Variants in UTRN observed in about 807,000 individuals in gnomAD.
The protein encoded by UTRN is utrophin.
Under a neutral mutation model 463.9 loss-of-function variants are expected in UTRN, and 283 were observed. The observed-to-expected ratio is 0.61, with a 90% CI of 0.55 to 0.67. The LOEUF (loss-of-function observed/expected upper bound fraction) is 0.67, where lower values mean the gene tolerates loss of function less well. Ranked by LOEUF, UTRN falls within the 30% of genes least tolerant of loss-of-function variation. The pLI is 0.00. For synonymous variants in UTRN, 1,442 were observed against 1,431.5 expected, an observed-to-expected ratio of 1.01 and a Z score of -0.17; for missense variants, 3,922 against 4,084.3, an observed-to-expected ratio of 0.96 and a Z score of 1.08.
rs757586867 is a variant in UTRN, at chr6:144,554,829, C to T, written c.7070C>T (p.Ala2357Val). Reference sequence around the variant, plus strand: ...GAAGAACTGATGAGAAAATATGAGGCTCGACTCTATATTCTTCAGCAAGCC... The same window carrying T: ...GAAGAACTGATGAGAAAATATGAGGTTCGACTCTATATTCTTCAGCAAGCC... ...ETEELMRKYE[A>V]RLYILQQARR... The change falls in exon 49 of 75, where the codon GCT becomes GTT. Residue 2357 changes from alanine to valine, a missense_variant. Physicochemically the swap from Ala to Val is moderately conservative, Grantham distance 64 (BLOSUM62 0). This residue lies in a region of UTRN where 1,309 missense variants were observed against 1,452.6 expected (regional missense o/e 0.90). Transcript: ENST00000367545. The T allele has an allele frequency of 4.3e-6, 7 of 1,613,884 alleles. 1 individual carries two copies. In the Admixed American group the frequency reaches 1.0e-4, roughly 23 times the overall value.
intron 2 of UTRN, among the ~76,000 whole-genome samples, chr6:144,384,285 G>C (rs1238467424): frequency 6.6e-6 from 1 of 152,112 alleles, no homozygotes; most frequent in East Asian, 1.9e-4. Context: ...TGAGCGGTGG[G>C]TAATCGAGCA....
At chr6:144,788,229 G>T (rs374851778) in intron 61 of UTRN, among the ~76,000 whole-genome samples, 3 of 151,812 alleles carry the variant, frequency 2.0e-5, no homozygotes, top group Admixed American at 2.0e-4. Flanking sequence ...CCCCAAATAG[G>T]GATTTCACAT....
intron 53 of UTRN, among the ~76,000 whole-genome samples, chr6:144,722,741 A>C (rs974155290): frequency 6.6e-6 from 1 of 152,144 alleles, no homozygotes; most frequent in African/African-American, 2.4e-5. Context: ...TGTGACTAGC[A>C]GGTACCATAT....
At chr6:144,526,706 C>CTAT (rs1796598644) in intron 41 of UTRN, among the ~76,000 whole-genome samples, 1 of 144,780 alleles carries the variant, frequency 6.9e-6, no homozygotes, top group South Asian at 2.1e-4. Context: ...ATATGAGGTA[C>CTAT]TATTCTATTT....
chr6:144,628,746 G>A (rs1489389729), intron 51 of UTRN, among the ~76,000 whole-genome samples: 1 of 152,078 alleles, frequency 6.6e-6, no homozygotes, highest in Non-Finnish European at 1.5e-5. Context: ...TTACAGTATG[G>A]TGAATCTCAG....
At chr6:144,662,179 G>A (rs1007644085) in intron 51 of UTRN, among the ~76,000 whole-genome samples, 1 of 152,098 alleles carries the variant, frequency 6.6e-6, no homozygotes, top group Non-Finnish European at 1.5e-5. Flanking sequence ...GGAAGTTGTC[G>A]TACATGAATG....
chr6:144,750,794 T>C (rs4479957), intron 55 of UTRN, among the ~76,000 whole-genome samples: 71,514 of 151,948 alleles, frequency 0.47, 21,739 homozygotes, highest in East Asian at 0.87. Flanking sequence ...GATTGCAAGT[T>C]CTGTGCTGAA....
At chr6:144,582,711 C>T (rs943028343) in intron 51 of UTRN, among the ~76,000 whole-genome samples, 2 of 152,194 alleles carry the variant, frequency 1.3e-5, no homozygotes, top group Non-Finnish European at 2.9e-5. Flanking sequence ...TTTCTAATGG[C>T]TTTCCTTCTA....
At chr6:144,645,223 A>G (rs777119419) in intron 51 of UTRN, among the ~76,000 whole-genome samples, 22 of 152,158 alleles carry the variant, frequency 1.4e-4, no homozygotes, top group Non-Finnish European at 2.1e-4. Flanking sequence ...ATTAAATTGG[A>G]TTCTATTCCC....
chr6:144,475,199 A>G (rs1791065829), intron 25 of UTRN, among the ~76,000 whole-genome samples: 1 of 152,244 alleles, frequency 6.6e-6, no homozygotes, highest in Non-Finnish European at 1.5e-5. Flanking sequence ...ATGGAGGAGT[A>G]GCAAGGAGTT....
At chr6:144,697,064 C>T (rs1008290673) in intron 52 of UTRN, among the ~76,000 whole-genome samples, 3 of 152,024 alleles carry the variant, frequency 2.0e-5, no homozygotes, top group African/African-American at 7.2e-5. Context: ...AATAACTGGT[C>T]ACTTAAAAAT....
intron 2 of UTRN, among the ~76,000 whole-genome samples, chr6:144,396,056 G>A (rs759745596): frequency 2.0e-5 from 3 of 152,034 alleles, no homozygotes; most frequent in African/African-American, 4.8e-5. Flanking sequence ...AACTGAAATC[G>A]GGAACTCAGA....
At chr6:144,548,333 A>T (rs1798591674) in intron 46 of UTRN, among the ~76,000 whole-genome samples, 1 of 152,222 alleles carries the variant, frequency 6.6e-6, no homozygotes, top group African/African-American at 2.4e-5. Flanking sequence ...TTTATAATTA[A>T]AATCATCTTG....
chr6:144,622,515 A>C (rs1370267144), intron 51 of UTRN, among the ~76,000 whole-genome samples: 1 of 152,146 alleles, frequency 6.6e-6, no homozygotes, highest in Non-Finnish European at 1.5e-5. Flanking sequence ...AAGAAAAGAT[A>C]TAAGTATTTT....
At chr6:144,623,060 T>C (rs1775591668) in intron 51 of UTRN, among the ~76,000 whole-genome samples, 1 of 152,236 alleles carries the variant, frequency 6.6e-6, no homozygotes, top group East Asian at 1.9e-4. Context: ...ATCTCCTAGA[T>C]AAACTTATTT....
At chr6:144,380,605 G>A (rs536251396) in intron 2 of UTRN, among the ~76,000 whole-genome samples, 7 of 151,958 alleles carry the variant, frequency 4.6e-5, no homozygotes, top group Non-Finnish European at 1.0e-4. Flanking sequence ...GAGGTCAGGA[G>A]TTTGAGATCA....
chr6:144,619,979 T>A (rs1258001979), intron 51 of UTRN, among the ~76,000 whole-genome samples: 12 of 152,192 alleles, frequency 7.9e-5, no homozygotes, highest in Admixed American at 7.9e-4. Flanking sequence ...AATGTGTAAG[T>A]GTGGATATTT....
At chr6:144,310,219 A>G (rs1806120588) in intron 2 of UTRN, among the ~76,000 whole-genome samples, 1 of 152,240 alleles carries the variant, frequency 6.6e-6, no homozygotes, top group Non-Finnish European at 1.5e-5. Context: ...TGGGCTACAT[A>G]GTGAAACCCC....
At chr6:144,494,191 A>G (rs1320937930) in intron 33 of UTRN, among the ~76,000 whole-genome samples, 2 of 152,086 alleles carry the variant, frequency 1.3e-5, no homozygotes, top group African/African-American at 4.8e-5. Context: ...CCTCGTGGTG[A>G]GTGTTACAGC....
Sources: gnomAD v4.1 joint callset for allele counts (sites outside exome capture counted in the v4.1 genomes callset) on GRCh38, gnomAD v4.1.1 for gene constraint, gnomAD v4.1.1 regional missense constraint, MANE v1.5 for transcripts, NCBI Gene and HGNC (gene_info 2026-07-23, HGNC 2026-07-21) for gene names.